ZDHHC18: variants seen among roughly 807,000 people sequenced by gnomAD.
ZDHHC18 encodes the protein zDHHC palmitoyltransferase 18, also known as palmitoyltransferase ZDHHC18.
ZDHHC18 carries 23 observed loss-of-function variants against 37.5 expected under a neutral mutation model. The observed-to-expected ratio is 0.61, with a 90% CI of 0.44 to 0.87. ZDHHC18 has a LOEUF of 0.87. Among genes scored for constraint, ZDHHC18 ranks in the 40% least tolerant of loss-of-function variants. The pLI, the probability that ZDHHC18 is intolerant of heterozygous loss-of-function variation, is 0.00. For missense variants in ZDHHC18, 406 were observed against 525.6 expected, an observed-to-expected ratio of 0.77 and a Z score of 2.22; for synonymous variants, 185 against 218.7, an observed-to-expected ratio of 0.85 and a Z score of 1.36.
chr1:26,836,269 C>T (rs2081610986), intron 2 of ZDHHC18, among the ~76,000 whole-genome samples: 1 of 152,182 alleles, frequency 6.6e-6, no homozygotes, highest in Admixed American at 6.6e-5. Context: ...GCTCCCAGAC[C>T]CCATCTCCTT....
At chr1:26,828,388 A>G (rs1181977658) in intron 1 of ZDHHC18, among the ~76,000 whole-genome samples, 1 of 151,954 alleles carries the variant, frequency 6.6e-6, no homozygotes, top group Non-Finnish European at 1.5e-5. Context: ...CAGTTTCCTC[A>G]TCAGTAAAAT....
Position 26,856,623 on chromosome 1 carries a change from C to T in ZDHHC18, c.*2780C>T, listed in dbSNP as rs575988822. The T allele has an allele frequency of 6.4e-6, 1 of 156,852 alleles. No homozygotes were observed. The highest frequency in any genetic ancestry group is 1.9e-4 in the East Asian group (1 of 5,320). The allele number at this position is 156,852 out of a possible 1,614,324, so 9.7% of individuals were successfully genotyped here. ...ATGCAGGGGCCACCGGTCACTAACA[C>T]TCTTATGTCCTGGCTTTCTGTCCCC... On this transcript the variant is annotated 3_prime_UTR_variant, in exon 8 of 8. Coordinates refer to ENST00000374142, the MANE Select transcript of ZDHHC18 (RefSeq NM_032283.3). This position sits in a 1 kb window ranked among gnomAD's most constrained non-coding sequence, Gnocchi z 5.2.
chr1:26,837,593 C>T (rs2081619000), intron 2 of ZDHHC18, among the ~76,000 whole-genome samples: 1 of 151,752 alleles, frequency 6.6e-6, no homozygotes, highest in South Asian at 2.1e-4. Context: ...GACTCTCCTG[C>T]CTCAGCCTCC....
chr1:26,844,464 G>C (rs535344563), intron 2 of ZDHHC18, among the ~76,000 whole-genome samples: 1 of 152,314 alleles, frequency 6.6e-6, no homozygotes, highest in African/African-American at 2.4e-5. Flanking sequence ...TACTACTGGG[G>C]TGTTTGGGTA....
At chr1:26,852,051 G>A (rs901213956) in intron 6 of ZDHHC18, among the ~76,000 whole-genome samples, 3 of 152,182 alleles carry the variant, frequency 2.0e-5, no homozygotes, top group Non-Finnish European at 2.9e-5. Flanking sequence ...CTCATTCAGG[G>A]AAACAAAACT....
chr1:26,832,376 C>T, intron 1 of ZDHHC18, 71 bp from the exon 2 acceptor site: 1 of 1,573,418 alleles, frequency 6.4e-7, no homozygotes, highest in African/African-American at 1.4e-5. Flanking sequence ...CAGCGCCTGC[C>T]ACGTGCTGTA....
At position 26,853,938 on chromosome 1, in the gene ZDHHC18, C is replaced by A; in HGVS notation, c.*95C>A. On this transcript the variant is annotated 3_prime_UTR_variant, in exon 8 of 8. Coordinates refer to ENST00000374142, the MANE Select transcript of ZDHHC18 (RefSeq NM_032283.3). ...TTCCATCCAAGGGAAGCAGAACTGCCAAAGACTCAAGTCTTTTCATATTTA... is the reference window on the plus strand; with the variant it reads ...TTCCATCCAAGGGAAGCAGAACTGCAAAAGACTCAAGTCTTTTCATATTTA... 2 of 1,083,476 alleles carry A rather than the reference C, an allele frequency of 1.8e-6. No individual in the cohort carries two copies. Among genetic ancestry groups the A allele is most frequent in the South Asian group, 1.3e-5 (1 of 76,296 alleles). 67.1% of individuals were successfully genotyped at this position (1,083,476 alleles called of 1,614,324 possible). A position where few individuals can be genotyped will look rare whatever the true frequency, so the allele number is the denominator to read the frequency against.
chr1:26,849,382 G>C (rs1415245695), intron 3 of ZDHHC18, among the ~76,000 whole-genome samples: 1 of 152,206 alleles, frequency 6.6e-6, no homozygotes. Context: ...AGAGGGCCCA[G>C]GTGAGCTGAG....
chr1:26,836,306 C>T (rs1049800416), intron 2 of ZDHHC18, among the ~76,000 whole-genome samples: 7 of 152,172 alleles, frequency 4.6e-5, no homozygotes, highest in African/African-American at 1.7e-4. Context: ...CTGCCCACTT[C>T]CCCTGGACAG....
chr1:26,851,251 C>A lies in ZDHHC18; in HGVS notation c.936+20C>A. 1 of 1,611,108 alleles carries A rather than the reference C, an allele frequency of 6.2e-7. No individual in the cohort carries two copies. The highest frequency in any genetic ancestry group is 1.7e-4 in the Middle Eastern group (1 of 6,060). ...GAAGACGTGAGTAAACCTGGAGCCA[C>A]CCCTCATTCTAGGGCAGCGCCCTCA... On this transcript the variant is annotated intron_variant, in intron 6 of 7. Transcript: ENST00000374142.
intron 2 of ZDHHC18, among the ~76,000 whole-genome samples, chr1:26,844,165 G>A (rs2081652100): frequency 6.6e-6 from 1 of 152,068 alleles, no homozygotes; most frequent in African/African-American, 2.4e-5. Context: ...TCAGCCTCCC[G>A]AGTAGCTGGG....
rs867353075 is a variant in ZDHHC18 at position 26,841,019 on chromosome 1, C to T, written c.497-7589C>T. 2.0e-5 allele frequency among the ~76,000 whole-genome samples: 3 copies of T among 152,134 alleles called. No individual in the cohort carries two copies. In the South Asian group the frequency reaches 6.2e-4, roughly 31 times the overall value. On this transcript the variant is annotated intron_variant, in intron 2 of 7. Transcript: ENST00000374142. ...GGGACAGAGTTTTGCTCTTGGCACC[C>T]AGGCTGGAGTGCAGTGGCGTGATCT...
intron 2 of ZDHHC18, among the ~76,000 whole-genome samples, chr1:26,834,288 T>C (rs1001685140): frequency 1.3e-5 from 2 of 152,228 alleles, no homozygotes; most frequent in Non-Finnish European, 2.9e-5. Flanking sequence ...GCTTTCCATC[T>C]ATTATCCCCA....
At chr1:26,848,881 G>T (rs1340562037) in intron 3 of ZDHHC18, 124 bp downstream of exon 3, 4 of 1,393,014 alleles carry the variant, frequency 2.9e-6, no homozygotes, top group Non-Finnish European at 3.9e-6. Flanking sequence ...TGGGCAGGGG[G>T]TCTGGTTCAC....
intron 6 of ZDHHC18, among the ~76,000 whole-genome samples, chr1:26,851,906 T>C (rs2081706577): frequency 6.6e-6 from 1 of 152,250 alleles, no homozygotes; most frequent in Non-Finnish European, 1.5e-5. Flanking sequence ...TGCCCAGTCC[T>C]AGGCCAGACC....
At chr1:26,844,554 C>T (rs1163453421) in intron 2 of ZDHHC18, among the ~76,000 whole-genome samples, 2 of 152,156 alleles carry the variant, frequency 1.3e-5, no homozygotes, top group Admixed American at 6.6e-5. Flanking sequence ...ATCTCATGCA[C>T]ATTGCTGTTG....
chr1:26,839,285 A>C (rs2081627274), intron 2 of ZDHHC18, among the ~76,000 whole-genome samples: 1 of 152,246 alleles, frequency 6.6e-6, no homozygotes, highest in Admixed American at 6.5e-5. Flanking sequence ...AGCCTGGCAT[A>C]GCAGAAACAG....
chr1:26,831,942 T>A (rs2081590191), intron 1 of ZDHHC18: 1 of 153,170 alleles, frequency 6.5e-6, no homozygotes, highest in African/African-American at 2.4e-5. Flanking sequence ...TGTTTACATG[T>A]CTTGTTTTCC....
chr1:26,856,368 G>A lies in ZDHHC18; in HGVS notation c.*2525G>A. On this transcript the variant is annotated 3_prime_UTR_variant, in exon 8 of 8. Transcript: ENST00000374142. The surrounding 1 kb of genome is among the most constrained non-coding windows in gnomAD (Gnocchi z 5.2). Reference sequence around the variant, plus strand: ...CCCCATGGAGCCCGTCCATCTGTCTGGTGTGTGGTGCGGTGTGTGTGCTGG... The same window carrying A: ...CCCCATGGAGCCCGTCCATCTGTCTAGTGTGTGGTGCGGTGTGTGTGCTGG... 1 of 370,150 alleles carries A rather than the reference G, an allele frequency of 2.7e-6. No individual in the cohort carries two copies. Among genetic ancestry groups the A allele is most frequent in the Non-Finnish European group, 5.8e-6 (1 of 171,846 alleles). 22.9% of individuals were successfully genotyped at this position (370,150 alleles called of 1,614,324 possible).
Sources: allele counts gnomAD v4.1 joint callset (sites outside exome capture counted in the v4.1 genomes callset), GRCh38; gene constraint gnomAD v4.1.1; non-coding constraint Gnocchi (gnomAD v3.1); transcripts MANE v1.5; gene names NCBI Gene and HGNC (gene_info 2026-07-23, HGNC 2026-07-21).